The following OTUD7B variants were observed in gnomAD, a reference collection of about 807,000 sequenced individuals.
OTUD7B encodes OTU domain-containing protein 7B.
OTUD7B carries 34 observed loss-of-function variants against 82.2 expected under a neutral mutation model. The ratio of observed to expected loss-of-function variants is 0.41; its 90% confidence interval spans 0.31 to 0.55. The LOEUF is 0.55. OTUD7B is among the 20% of genes least tolerant of loss of function. The pLI is 0.20. For missense variants in OTUD7B, 944 were observed against 1,062.1 expected, an observed-to-expected ratio of 0.89 and a Z score of 1.55; for synonymous variants, 398 against 402.7, an observed-to-expected ratio of 0.99 and a Z score of 0.14.
the OTUD7B span, among the ~76,000 whole-genome samples, chr1:150,044,957 T>C: frequency 2.6e-5 from 4 of 152,168 alleles, no homozygotes; most frequent in African/African-American, 9.6e-5. Context: ...ACTATGTCTA[T>C]ATACTTGTTA....
chr1:149,964,149 C>T, intron 6 of OTUD7B, 73 bp downstream of exon 6: 1 of 1,550,936 alleles, frequency 6.4e-7, no homozygotes, highest in Non-Finnish European at 8.8e-7. Context: ...ATATTTTCTA[C>T]TGGCAGGCAC....
intron 6 of OTUD7B, chr1:149,962,540 G>A (rs587664678): frequency 6.6e-5 from 10 of 152,302 alleles, no homozygotes; most frequent in Non-Finnish European, 1.5e-4. Context: ...TGCATGTTGG[G>A]GACTTTCAGA....
chr1:150,049,635 T>C, the OTUD7B span, among the ~76,000 whole-genome samples: 2,564 of 142,732 alleles, frequency 0.018, 111 homozygotes, highest in African/African-American at 0.066. Context: ...CTCTCTTTCT[T>C]TTTTTTTTTT....
intron 7 of OTUD7B, among the ~76,000 whole-genome samples, chr1:149,955,195 C>T (rs199767920): frequency 2.0e-5 from 3 of 151,536 alleles, no homozygotes; most frequent in African/African-American, 2.4e-5. Flanking sequence ...ATAAATTTCC[C>T]TCTCCACACT....
chr1:150,047,238 AC>A, the OTUD7B span, among the ~76,000 whole-genome samples: 1 of 152,084 alleles, frequency 6.6e-6, no homozygotes. Context: ...TATCCAAAAA[AC>A]TTTCATCTGG....
At chr1:150,044,879 G>T in the OTUD7B span, among the ~76,000 whole-genome samples, 1 of 128,480 alleles carries the variant, frequency 7.8e-6, no homozygotes, top group Admixed American at 8.7e-5. Flanking sequence ...ATAGCTCTCT[G>T]ATTGTGTGCC....
Position 149,984,509 on chromosome 1 carries a change from T to C in OTUD7B, c.-66-6933A>G, listed in dbSNP as rs78586685. Among the ~76,000 whole-genome samples the C allele has an allele frequency of 7.9e-5, 12 of 152,290 alleles. No individual in the cohort carries two copies. In the East Asian group the frequency reaches 2.3e-3, roughly 29 times the overall value. ...TCTTGGTCGTCTTTGTGGACTCCCA[T>C]TTCTGTGACTGAACCAAACTTAGTG... On this transcript the variant is annotated intron_variant, in intron 1 of 11. Transcript: ENST00000581312.
chr1:150,020,424 C>T, the OTUD7B span, among the ~76,000 whole-genome samples: 1 of 152,158 alleles, frequency 6.6e-6, no homozygotes, highest in Non-Finnish European at 1.5e-5. Flanking sequence ...GTAGTCCCAG[C>T]TATTCAGGAG....
intron 7 of OTUD7B, 62 bp from the exon 8 acceptor site, chr1:149,950,283 G>A (rs587757719): frequency 6.4e-6 from 10 of 1,561,526 alleles, no homozygotes; most frequent in South Asian, 4.5e-5. Context: ...GTAGAAACAG[G>A]AGACCCTGAA....
intron 5 of OTUD7B, among the ~76,000 whole-genome samples, chr1:149,965,348 A>T (rs1303193146): frequency 6.6e-6 from 1 of 152,222 alleles, no homozygotes; most frequent in African/African-American, 2.4e-5. Flanking sequence ...CCTGGGCAAC[A>T]GAGTGAGACT....
the OTUD7B span, among the ~76,000 whole-genome samples, chr1:150,025,557 G>T: frequency 3.5e-4 from 53 of 152,228 alleles, no homozygotes; most frequent in African/African-American, 1.3e-3. Context: ...TTCTGCATGT[G>T]AGCATTATTC....
chr1:149,951,404 T>C (rs1648242554), intron 7 of OTUD7B, among the ~76,000 whole-genome samples: 1 of 152,132 alleles, frequency 6.6e-6, no homozygotes, highest in Non-Finnish European at 1.5e-5. Flanking sequence ...ACGCCTGGCC[T>C]TCCTGTGTGT....
the OTUD7B span, among the ~76,000 whole-genome samples, chr1:150,017,161 C>T: frequency 2.6e-5 from 4 of 152,336 alleles, no homozygotes; most frequent in East Asian, 7.7e-4. Flanking sequence ...GTGACACCAT[C>T]TTACCTTCCT....
At chr1:150,053,180 G>A in the OTUD7B span, among the ~76,000 whole-genome samples, 1 of 151,962 alleles carries the variant, frequency 6.6e-6, no homozygotes, top group Non-Finnish European at 1.5e-5. Flanking sequence ...ATTGACAAAT[G>A]GGATCTAATT....
At chr1:150,025,092 C>T in the OTUD7B span, among the ~76,000 whole-genome samples, 357 of 151,344 alleles carry the variant, frequency 2.4e-3, 1 homozygote, top group Non-Finnish European at 4.0e-3. Flanking sequence ...CCACCACAAC[C>T]TTATCTGAAC....
chr1:149,958,119 T>C (rs1321859639), intron 7 of OTUD7B, among the ~76,000 whole-genome samples: 1 of 152,192 alleles, frequency 6.6e-6, no homozygotes, highest in African/African-American at 2.4e-5. Context: ...TCACTCATGC[T>C]GGGAGCTGTA....
the OTUD7B span, among the ~76,000 whole-genome samples, chr1:150,036,285 G>C: frequency 1.6e-5 from 2 of 126,418 alleles, no homozygotes; most frequent in Non-Finnish European, 3.2e-5. Flanking sequence ...TTTTGAGACA[G>C]AGCCTTGCTC....
At chr1:149,964,191 A>T (rs782121250) in intron 6 of OTUD7B, 31 bp downstream of exon 6, 3 of 1,606,118 alleles carry the variant, frequency 1.9e-6, no homozygotes, top group East Asian at 4.5e-5. Context: ...TAACTTTAGG[A>T]AACAAGGCGC....
At position 150,010,489 on chromosome 1, in the gene OTUD7B, C is replaced by G. The variant is rs1652971322; in HGVS notation, c.-108G>C. On this transcript the variant is annotated 5_prime_UTR_variant, in exon 1 of 12. Coordinates refer to ENST00000581312, the MANE Select transcript of OTUD7B (RefSeq NM_020205.4). ...GGCAAGGCCCTAGGCCGGGGCGGAGCGCGGGGCCCGGCCGCCTCTCTTCAT... is the reference window on the plus strand; with the variant it reads ...GGCAAGGCCCTAGGCCGGGGCGGAGGGCGGGGCCCGGCCGCCTCTCTTCAT... 1 of 152,512 alleles carries G rather than the reference C, an allele frequency of 6.6e-6. No individual in the cohort carries two copies. The highest frequency in any genetic ancestry group is 2.1e-4 in the South Asian group (1 of 4,822). 9.4% of individuals were successfully genotyped at this position (152,512 alleles called of 1,614,324 possible).
Sources: allele counts gnomAD v4.1 joint callset (sites outside exome capture counted in the v4.1 genomes callset), GRCh38; gene constraint gnomAD v4.1.1; transcripts MANE v1.5; gene names NCBI Gene and HGNC (gene_info 2026-07-23, HGNC 2026-07-21).